DSCAML1: variants seen among roughly 807,000 people sequenced by gnomAD.
The protein encoded by DSCAML1 is DS cell adhesion molecule like 1.
Under a neutral mutation model 200.5 loss-of-function variants are expected in DSCAML1, and 38 were observed. The observed-to-expected ratio is 0.19, with a 90% CI of 0.15 to 0.25. The LOEUF is 0.25. DSCAML1 is among the 10% of genes least tolerant of loss of function. The pLI, the probability that DSCAML1 is intolerant of heterozygous loss-of-function variation, is 1.00. For missense variants in DSCAML1, 2,223 were observed against 2,858.8 expected, an observed-to-expected ratio of 0.78 and a Z score of 5.07; for synonymous variants, 1,215 against 1,165.0, an observed-to-expected ratio of 1.04 and a Z score of -0.87.
chr11:117,477,535 GCTGA>G (rs957119705), intron 14 of DSCAML1, among the ~76,000 whole-genome samples: 3 of 152,056 alleles, frequency 2.0e-5, no homozygotes, highest in African/African-American at 7.2e-5. Flanking sequence ...AGTACATGTG[GCTGA>G]CTGACAGACA....
intron 3 of DSCAML1, among the ~76,000 whole-genome samples, chr11:117,717,406 ACTC>A (rs1234406179): frequency 2.0e-5 from 3 of 151,614 alleles, no homozygotes; most frequent in African/African-American, 7.3e-5. Context: ...CTTCATCAGA[ACTC>A]CTCCTGTATC....
At chr11:117,551,421 C>T (rs1489501259) in intron 3 of DSCAML1, among the ~76,000 whole-genome samples, 2 of 152,150 alleles carry the variant, frequency 1.3e-5, no homozygotes, top group Admixed American at 6.5e-5. Context: ...TTGTATAAGT[C>T]ATTAGGTTGT....
chr11:117,735,357 G>A (rs1034435114), intron 3 of DSCAML1, among the ~76,000 whole-genome samples: 6 of 152,210 alleles, frequency 3.9e-5, no homozygotes, highest in East Asian at 1.9e-4. Flanking sequence ...AATCTCACAG[G>A]GCATGTATTA....
chr11:117,604,624 G>A (rs1472384681), intron 3 of DSCAML1, among the ~76,000 whole-genome samples: 8 of 152,182 alleles, frequency 5.3e-5, no homozygotes, highest in African/African-American at 9.7e-5. Flanking sequence ...CAGATGGGGC[G>A]GTCCAAGCCC....
intron 3 of DSCAML1, among the ~76,000 whole-genome samples, chr11:117,708,845 G>C (rs985241167): frequency 7.9e-5 from 12 of 152,168 alleles, no homozygotes; most frequent in Non-Finnish European, 1.6e-4. Flanking sequence ...GTACAAAGTG[G>C]GGGGTGGGAT....
At chr11:117,696,879 C>T (rs1459195734) in intron 3 of DSCAML1, among the ~76,000 whole-genome samples, 1 of 152,188 alleles carries the variant, frequency 6.6e-6, no homozygotes, top group Non-Finnish European at 1.5e-5. Context: ...CTCCCATGCT[C>T]GCCCATTAAT....
intron 11 of DSCAML1, among the ~76,000 whole-genome samples, 153 bp from the exon 12 acceptor site, chr11:117,482,315 C>T (rs2048945036): frequency 6.6e-6 from 1 of 152,202 alleles, no homozygotes; most frequent in African/African-American, 2.4e-5. Context: ...CCTGTCCCTT[C>T]TCCCACATCC....
At chr11:117,754,674 A>T (rs1472780981) in intron 3 of DSCAML1, among the ~76,000 whole-genome samples, 1 of 152,144 alleles carries the variant, frequency 6.6e-6, no homozygotes, top group Non-Finnish European at 1.5e-5. Context: ...CGACTTTATA[A>T]TTAAAATCCC....
chr11:117,639,753 C>T (rs2137591169), intron 3 of DSCAML1, among the ~76,000 whole-genome samples: 1 of 152,196 alleles, frequency 6.6e-6, no homozygotes, highest in Non-Finnish European at 1.5e-5. Flanking sequence ...GCCCACGCTG[C>T]TGCCCAGTAT....
chr11:117,461,390 C>CTCT (rs2048480106), intron 18 of DSCAML1, 60 bp downstream of exon 18: 2 of 1,607,402 alleles, frequency 1.2e-6, no homozygotes, highest in East Asian at 4.5e-5. Context: ...CGCCTGGAAG[C>CTCT]AGACTCCACT....
chr11:117,467,367 G>A (rs1232297008), intron 16 of DSCAML1, among the ~76,000 whole-genome samples: 1 of 152,178 alleles, frequency 6.6e-6, no homozygotes, highest in Non-Finnish European at 1.5e-5. Context: ...TCTATAAATT[G>A]AGACAGAACA....
intron 3 of DSCAML1, among the ~76,000 whole-genome samples, chr11:117,740,352 C>T (rs1161072691): frequency 6.6e-6 from 1 of 152,162 alleles, no homozygotes; most frequent in African/African-American, 2.4e-5. Context: ...ACTCTTTCCC[C>T]ATTAGTGTTC....
At chr11:117,615,378 C>G (rs925921622) in intron 3 of DSCAML1, among the ~76,000 whole-genome samples, 1 of 152,174 alleles carries the variant, frequency 6.6e-6, no homozygotes, top group Admixed American at 6.5e-5. Context: ...GAGGAAGTAG[C>G]TTTTGGCTGC....
Position 117,504,193 on chromosome 11 carries a change from AC to A in DSCAML1, c.2183-173del, listed in dbSNP as rs1244712229. Among the ~76,000 whole-genome samples the A allele has an allele frequency of 1.3e-5, 2 of 151,286 alleles. No individual in the cohort carries two copies. The highest frequency in any genetic ancestry group is 2.4e-5 in the African/African-American group (1 of 41,176). On this transcript the variant is annotated intron_variant, in intron 10 of 32. Coordinates refer to ENST00000651296, the MANE Select transcript of DSCAML1 (RefSeq NM_020693.4). The surrounding 1 kb of genome is among the most constrained non-coding windows in gnomAD (Gnocchi z 5.0). ...TGGCTCCTGGTGGGCAACAGGAAAG[AC>A]CCCCCCACCAGAGGACTGGCCTTGC...
chr11:117,510,673 T>C (rs1455283723), intron 8 of DSCAML1, among the ~76,000 whole-genome samples: 1 of 152,080 alleles, frequency 6.6e-6, no homozygotes, highest in Non-Finnish European at 1.5e-5. Context: ...ATGGCAGGGA[T>C]TTTTGTCTAT....
At position 117,513,378 on chromosome 11, in the gene DSCAML1, T is replaced by C. The variant is rs79009714; in HGVS notation, c.1783+3089A>G. The stretch of plus-strand genomic sequence containing the variant: ...AAATGGGTGTTTGGCTGTGAGGGTC[T>C]CCTCTCTCCTCCCAGACCTCAGATG... On this transcript the variant is annotated intron_variant, in intron 8 of 32. Transcript: ENST00000651296. Among the ~76,000 whole-genome samples the C allele has an allele frequency of 1.4e-3, 211 of 152,258 alleles. 5 individuals carry two copies. In the East Asian group the frequency reaches 0.036, roughly 26 times the overall value.
intron 8 of DSCAML1, among the ~76,000 whole-genome samples, chr11:117,511,376 C>T (rs991352691): frequency 1.3e-4 from 20 of 152,234 alleles, no homozygotes; most frequent in East Asian, 3.9e-4. Context: ...TGTTTCTTCA[C>T]GGAGCCAATG....
At chr11:117,552,431 C>G (rs1224918474) in intron 3 of DSCAML1, among the ~76,000 whole-genome samples, 1 of 152,050 alleles carries the variant, frequency 6.6e-6, no homozygotes, top group Non-Finnish European at 1.5e-5. Context: ...CAATCCACCC[C>G]CCTCTCCCCT....
At chr11:117,633,715 T>G (rs1411578812) in intron 3 of DSCAML1, among the ~76,000 whole-genome samples, 1 of 152,178 alleles carries the variant, frequency 6.6e-6, no homozygotes, top group Non-Finnish European at 1.5e-5. Flanking sequence ...TCCTTGGGAT[T>G]GAAGGGTAGG....
Sources: gnomAD v4.1 joint callset for allele counts (sites outside exome capture counted in the v4.1 genomes callset) on GRCh38, gnomAD v4.1.1 for gene constraint, Gnocchi (gnomAD v3.1) non-coding constraint, MANE v1.5 for transcripts, NCBI Gene and HGNC (gene_info 2026-07-23, HGNC 2026-07-21) for gene names.